DENND1A: variants seen among roughly 807,000 people sequenced by gnomAD.
DENND1A encodes DENN domain-containing protein 1A.
Under a neutral mutation model 113.7 loss-of-function variants are expected in DENND1A, and 51 were observed. The observed-to-expected ratio is 0.45, with a 90% CI of 0.36 to 0.57. DENND1A has a LOEUF of 0.57. Among genes scored for constraint, DENND1A ranks in the 20% least tolerant of loss-of-function variants. The pLI is 0.00. For missense variants in DENND1A, 1,258 were observed against 1,395.9 expected, an observed-to-expected ratio of 0.90 and a Z score of 1.57; for synonymous variants, 565 against 570.8, an observed-to-expected ratio of 0.99 and a Z score of 0.14.
chr9:123,757,603 A>T (rs572885234), intron 5 of DENND1A, 100 bp downstream of exon 5: 4 of 1,523,850 alleles, frequency 2.6e-6, no homozygotes, highest in African/African-American at 2.8e-5. Context: ...AACAGATAGG[A>T]AAATGAAATG....
intron 12 of DENND1A, among the ~76,000 whole-genome samples, chr9:123,578,084 G>C (rs1439799313): frequency 1.3e-5 from 2 of 152,188 alleles, no homozygotes; most frequent in Non-Finnish European, 2.9e-5. Flanking sequence ...CAGCAGGTTT[G>C]TCAATTCAGG....
intron 13 of DENND1A, among the ~76,000 whole-genome samples, chr9:123,552,035 G>C (rs10986045): frequency 2.2e-5 from 3 of 136,884 alleles, no homozygotes; most frequent in Admixed American, 1.4e-4. Context: ...GAGAGAGAGA[G>C]AGACAGAGAG....
intron 12 of DENND1A, among the ~76,000 whole-genome samples, chr9:123,561,194 C>T (rs2057733101): frequency 6.6e-6 from 1 of 152,230 alleles, no homozygotes; most frequent in African/African-American, 2.4e-5. Flanking sequence ...CTTTCTCTTT[C>T]ATTCGGGAGG....
chr9:123,914,543 T>TG (rs1854703524), intron 1 of DENND1A, among the ~76,000 whole-genome samples: 1 of 66,006 alleles, frequency 1.5e-5, no homozygotes, highest in African/African-American at 1.5e-4. Context: ...AGACTCCATC[T>TG]CAAAAAAAAA....
intron 13 of DENND1A, among the ~76,000 whole-genome samples, chr9:123,501,598 T>C (rs879360729): frequency 3.9e-5 from 6 of 152,262 alleles, no homozygotes; most frequent in Non-Finnish European, 7.3e-5. Context: ...CCAAAGGTTC[T>C]GTGACGGTTA....
rs2042413682 is a variant in DENND1A, at chr9:123,383,832, C to T, written c.1842G>A (p.Lys614=). 10 of 1,613,938 alleles carry T rather than the reference C, an allele frequency of 6.2e-6. No homozygotes were observed. The highest frequency in any genetic ancestry group is 8.5e-6 in the Non-Finnish European group (10 of 1,180,034). The change falls in exon 23 of 24, where the codon AAG becomes AAA. Residue 614 remains lysine, a synonymous_variant. Transcript: ENST00000394215. The part of the protein sequence containing the change: ...EAESPEQQVR[K]STGPVPAPPD... ...GGGGAGCTGGGACAGGGCCTGTGGA[C>T]TTCCGCACTTGCTGCTCTGGACTCT...
At chr9:123,518,184 G>C (rs371400691) in intron 13 of DENND1A, among the ~76,000 whole-genome samples, 6 of 152,072 alleles carry the variant, frequency 3.9e-5, no homozygotes, top group African/African-American at 1.2e-4. Context: ...AATATTCAAA[G>C]GCAATTAGCT....
intron 21 of DENND1A, among the ~76,000 whole-genome samples, chr9:123,389,445 C>T (rs2042729330): frequency 6.6e-6 from 1 of 152,194 alleles, no homozygotes; most frequent in African/African-American, 2.4e-5. Flanking sequence ...GGCTCTGGTC[C>T]AGGGGGCATT....
At chr9:123,770,636 C>T (rs1185100222) in intron 3 of DENND1A, among the ~76,000 whole-genome samples, 1 of 152,170 alleles carries the variant, frequency 6.6e-6, no homozygotes, top group Non-Finnish European at 1.5e-5. Context: ...TCCTTTCATG[C>T]ACTTGATTTG....
rs537304898 is a variant in DENND1A at position 123,818,994 on chromosome 9, C to T, written c.89-26364G>A. ...TCCGTAGGCCAGCAAGTCAGCATCA[C>T]CTACAAACTTGTTAAAAATACAAAT... is the stretch of plus-strand genomic sequence containing the variant. On this transcript the variant is annotated intron_variant, in intron 2 of 23. Coordinates refer to ENST00000394215, the MANE Select transcript of DENND1A (RefSeq NM_001352964.2). Among the ~76,000 whole-genome samples the T allele has an allele frequency of 3.3e-5, 5 of 152,270 alleles. No individual in the cohort carries two copies. The South Asian group carries it at 6.2e-4, about 19-fold the overall frequency.
intron 12 of DENND1A, among the ~76,000 whole-genome samples, chr9:123,564,222 A>C (rs751725955): frequency 5.9e-5 from 9 of 152,234 alleles, no homozygotes; most frequent in Non-Finnish European, 8.8e-5. Flanking sequence ...TTTAATACAC[A>C]TTAGTGCTCA....
chr9:123,419,402 C>A (rs963970228), intron 19 of DENND1A, among the ~76,000 whole-genome samples: 33 of 152,260 alleles, frequency 2.2e-4, no homozygotes, highest in Admixed American at 1.8e-3. Flanking sequence ...ATAGGCCCTG[C>A]CATTTCTCAG....
intron 2 of DENND1A, among the ~76,000 whole-genome samples, chr9:123,869,684 T>C (rs937352276): frequency 1.1e-4 from 16 of 152,150 alleles, no homozygotes; most frequent in Admixed American, 9.2e-4. Flanking sequence ...TGAGTGGCAA[T>C]TTGTCCCAAC....
At chr9:123,613,954 C>G (rs145858667) in intron 10 of DENND1A, among the ~76,000 whole-genome samples, 14 of 152,330 alleles carry the variant, frequency 9.2e-5, no homozygotes, top group African/African-American at 3.4e-4. Flanking sequence ...GAAAAGGGCT[C>G]TGTTGCTGGT....
intron 2 of DENND1A, among the ~76,000 whole-genome samples, chr9:123,804,252 T>C (rs1835168973): frequency 6.6e-6 from 1 of 152,244 alleles, no homozygotes; most frequent in Admixed American, 6.5e-5. Flanking sequence ...TGTTCCTCCT[T>C]GCCTTCTACC....
chr9:123,429,523 C>G (rs1313376346), intron 19 of DENND1A, among the ~76,000 whole-genome samples: 2 of 152,046 alleles, frequency 1.3e-5, no homozygotes, highest in Middle Eastern at 3.2e-3. Context: ...TCACTGCCCC[C>G]CAGCCTGGGT....
intron 8 of DENND1A, among the ~76,000 whole-genome samples, chr9:123,659,745 TA>T (rs1244038656): frequency 5.9e-5 from 9 of 152,232 alleles, no homozygotes; most frequent in African/African-American, 2.2e-4. Context: ...TGGTTGTCTC[TA>T]AAATTCATGT....
chr9:123,385,223 G>A (rs775365707), intron 22 of DENND1A, among the ~76,000 whole-genome samples: 27 of 152,120 alleles, frequency 1.8e-4, no homozygotes, highest in Non-Finnish European at 3.5e-4. Flanking sequence ...GGAGTGCAAT[G>A]GCGCAGTCTC....
At chr9:123,737,448 A>C (rs1312409317) in intron 5 of DENND1A, among the ~76,000 whole-genome samples, 1 of 152,158 alleles carries the variant, frequency 6.6e-6, no homozygotes, top group Non-Finnish European at 1.5e-5. Context: ...TTGACCTCCC[A>C]AAGCACTAGG....
Sources: gnomAD v4.1 joint callset for allele counts (sites outside exome capture counted in the v4.1 genomes callset) on GRCh38, gnomAD v4.1.1 for gene constraint, MANE v1.5 for transcripts, NCBI Gene and HGNC (gene_info 2026-07-23, HGNC 2026-07-21) for gene names.